ATRX: variants seen among roughly 807,000 people sequenced by gnomAD.
ATRX encodes ATRX chromatin remodeler.
ATRX carries 12 observed loss-of-function variants against 172.6 expected under a neutral mutation model. The observed-to-expected ratio is 0.07, with a 90% CI of 0.04 to 0.11. ATRX has a LOEUF of 0.11. Ranked by LOEUF, ATRX falls within the 10% of genes least tolerant of loss-of-function variation. The pLI, the probability that ATRX is intolerant of heterozygous loss-of-function variation, is 1.00. For synonymous variants in ATRX, 674 were observed against 594.7 expected (o/e 1.13, Z -1.94); for missense variants, 1,368 against 1,767.4 (o/e 0.77, Z 4.05).
At chrX:77,631,007 T>A (rs1304160361) in intron 19 of ATRX, among the ~76,000 whole-genome samples, 2 of 111,062 alleles carry the variant, frequency 1.8e-5, no homozygotes, top group Non-Finnish European at 3.8e-5. Context: ...AAATGTCAAT[T>A]TTCAGTAAAA....
In ATRX at chrX:77,765,893, C is replaced by G. The variant is rs1196421140; in HGVS notation, c.20+20089G>C. 2.9e-4 allele frequency among the ~76,000 whole-genome samples: 31 copies of G among 108,608 alleles called. 1 individual carries two copies. The highest frequency in any genetic ancestry group is 1.2e-3 in the South Asian group (3 of 2,468). The allele number at this position is 108,608 out of a possible 115,157, so 94.3% of individuals were successfully genotyped here. A position where few individuals can be genotyped will look rare whatever the true frequency, so the allele number is the denominator to read the frequency against. On this transcript the variant is annotated intron_variant, in intron 1 of 34. Transcript: ENST00000373344. ...TTGAGATTAGGGAGTGGTGATGATTCTTAACGAGCATGCTGCCTTCAAGCA... is the reference window on the plus strand; with the variant it reads ...TTGAGATTAGGGAGTGGTGATGATTGTTAACGAGCATGCTGCCTTCAAGCA...
At chrX:77,631,996 G>GT (rs1415215408) in intron 19 of ATRX, among the ~76,000 whole-genome samples, 9 of 109,677 alleles carry the variant, frequency 8.2e-5, no homozygotes, top group African/African-American at 3.0e-4. Context: ...GTTTTTTTTT[G>GT]TTTTTTTGTT....
chrX:77,521,651 A>G (rs1280374230), intron 32 of ATRX, 153 bp from the exon 33 acceptor site: 1 of 431,839 alleles, frequency 2.3e-6, no homozygotes, highest in Non-Finnish European at 4.1e-6. Context: ...AATAAAGTGG[A>G]GTAAACCATA....
intron 29 of ATRX, among the ~76,000 whole-genome samples, chrX:77,558,450 T>C (rs1339546839): frequency 9.0e-6 from 1 of 111,200 alleles, no homozygotes; most frequent in Non-Finnish European, 1.9e-5. Context: ...AATGTGTTCA[T>C]GCAAAACAAT....
intron 1 of ATRX, among the ~76,000 whole-genome samples, chrX:77,777,240 G>C (rs1414454328): frequency 1.0e-5 from 1 of 99,235 alleles, no homozygotes; most frequent in African/African-American, 3.8e-5. Flanking sequence ...AATCAGCCAG[G>C]CGTGGTGGCA....
chrX:77,599,072 C>T (rs1320397353), intron 25 of ATRX, among the ~76,000 whole-genome samples: 1 of 111,861 alleles, frequency 8.9e-6, no homozygotes, highest in African/African-American at 3.2e-5. Flanking sequence ...ACCAGTTCTC[C>T]TACTCATTTT....
chrX:77,636,230 A>G (rs906382818), intron 15 of ATRX, among the ~76,000 whole-genome samples, 174 bp from the exon 16 acceptor site: 1 of 112,048 alleles, frequency 8.9e-6, no homozygotes, highest in African/African-American at 3.2e-5. Context: ...GTAATCCCCA[A>G]TGTTGGAGGT....
At chrX:77,763,723 C>G (rs1442575870) in intron 1 of ATRX, among the ~76,000 whole-genome samples, 4 of 110,401 alleles carry the variant, frequency 3.6e-5, no homozygotes, top group Non-Finnish European at 3.8e-5. Flanking sequence ...CCTGCCTCAG[C>G]CTCCCAAAGT....
intron 1 of ATRX, among the ~76,000 whole-genome samples, chrX:77,720,260 AT>A (rs1293826896): frequency 3.6e-5 from 4 of 112,030 alleles, no homozygotes. Flanking sequence ...TAACATCATA[AT>A]TAAAACAACT....
At chrX:77,707,492 C>A (rs965566210) in intron 2 of ATRX, among the ~76,000 whole-genome samples, 13 of 112,405 alleles carry the variant, frequency 1.2e-4, no homozygotes, top group African/African-American at 3.9e-4. Flanking sequence ...CGCCTGTAAT[C>A]CCAGCACTTT....
intron 28 of ATRX, among the ~76,000 whole-genome samples, chrX:77,564,865 A>T (rs1778690449): frequency 9.0e-6 from 1 of 111,665 alleles, no homozygotes; most frequent in Non-Finnish European, 1.9e-5. Context: ...AGTACAGCAA[A>T]AAATGCAGCT....
chrX:77,750,795 C>T (rs1310054575), intron 1 of ATRX, among the ~76,000 whole-genome samples: 3 of 110,632 alleles, frequency 2.7e-5, no homozygotes, highest in Non-Finnish European at 3.8e-5. Context: ...TTTTCTGTTA[C>T]TGTGTTACTC....
chrX:77,679,145 T>A (rs923331939), intron 9 of ATRX, among the ~76,000 whole-genome samples: 14 of 111,102 alleles, frequency 1.3e-4, no homozygotes, highest in Admixed American at 6.8e-4. Flanking sequence ...TTACAGCGCT[T>A]ATTTTCAAGG....
intron 1 of ATRX, among the ~76,000 whole-genome samples, chrX:77,717,725 A>C (rs2073518095): frequency 8.9e-6 from 1 of 111,733 alleles, no homozygotes; most frequent in Admixed American, 9.6e-5. Context: ...TTACTTACTA[A>C]ACATTTCGAA....
chrX:77,553,734 A>G (rs1413505096), intron 30 of ATRX, among the ~76,000 whole-genome samples: 1 of 111,907 alleles, frequency 8.9e-6, no homozygotes, highest in Non-Finnish European at 1.9e-5. Context: ...ACCCAGTTCT[A>G]CTTTCAACAT....
At chrX:77,698,978 A>T (rs2148687472) in intron 2 of ATRX, 1 of 213,026 alleles carries the variant, frequency 4.7e-6, no homozygotes, top group Non-Finnish European at 8.5e-6. Flanking sequence ...ATTTCATTTT[A>T]CCATAAAATA....
chrX:77,703,934 G>A (rs1697989166), intron 2 of ATRX, among the ~76,000 whole-genome samples: 1 of 111,046 alleles, frequency 9.0e-6, no homozygotes, highest in African/African-American at 3.3e-5. Flanking sequence ...TCCTAGCAGA[G>A]AGGGTGGTTC....
intron 1 of ATRX, among the ~76,000 whole-genome samples, chrX:77,778,796 T>C (rs1199611404): frequency 9.0e-6 from 1 of 111,618 alleles, no homozygotes; most frequent in African/African-American, 3.2e-5. Context: ...GTTGACCTTC[T>C]TCCAAATAGA....
At chrX:77,518,343 C>T (rs148623655) in intron 34 of ATRX, among the ~76,000 whole-genome samples, 1,748 of 111,838 alleles carry the variant, frequency 0.016, 29 homozygotes, top group African/African-American at 0.054. Flanking sequence ...AAATCAGCAG[C>T]ATTTCTAAAT....
Sources: gnomAD v4.1 joint callset for allele counts (sites outside exome capture counted in the v4.1 genomes callset) on GRCh38, gnomAD v4.1.1 for gene constraint, MANE v1.5 for transcripts, NCBI Gene and HGNC (gene_info 2026-07-23, HGNC 2026-07-21) for gene names.